Variants in EMC3 observed in about 807,000 individuals in gnomAD.
The protein encoded by EMC3 is ER membrane protein complex subunit 3.
In EMC3, 13 loss-of-function variants were observed where a neutral mutation model predicts 36.6. The ratio of observed to expected loss-of-function variants is 0.35; its 90% CI spans 0.23 to 0.56. The LOEUF (loss-of-function observed/expected upper bound fraction) is 0.56. Ranked by LOEUF, EMC3 falls within the 20% of genes least tolerant of loss-of-function variation. The pLI is 0.84. For missense variants in EMC3, 220 were observed against 324.5 expected (o/e 0.68, Z 2.47); for synonymous variants, 120 against 111.9 (o/e 1.07, Z -0.46).
chr3:9,970,688 G>C (rs113521790), intron 5 of EMC3, 27 bp from the exon 6 acceptor site: 1 of 1,611,624 alleles, frequency 6.2e-7, no homozygotes, highest in African/African-American at 1.3e-5. Context: ...AAAATGGTGT[G>C]GTTAGTTATT....
At chr3:9,992,985 C>G in intron 1 of EMC3, 3 of 1,572,898 alleles carry the variant, frequency 1.9e-6, no homozygotes, top group Non-Finnish European at 2.6e-6. Context: ...ACAGCTGCTC[C>G]AGAGTACATT....
intron 1 of EMC3, among the ~76,000 whole-genome samples, chr3:9,977,707 A>G (rs1441787632): frequency 6.6e-6 from 1 of 152,214 alleles, no homozygotes; most frequent in Non-Finnish European, 1.5e-5. Context: ...CATTTGGGAC[A>G]TTACACTCAG....
upstream of EMC3, among the ~76,000 whole-genome samples, chr3:9,990,325 CTTTTTTTTTTT>C (rs4020037): frequency 6.8e-5 from 6 of 88,708 alleles, no homozygotes; most frequent in African/African-American, 2.9e-4. Context: ...GGGCCTTTCT[CTTTTTTTTTTT>C]TTTTTTTTTT....
At chr3:9,979,473 T>C (rs1449813340) in intron 1 of EMC3, among the ~76,000 whole-genome samples, 5 of 152,256 alleles carry the variant, frequency 3.3e-5, no homozygotes, top group Non-Finnish European at 7.3e-5. Flanking sequence ...CTGCCACTTA[T>C]TAGCCATGTG....
chr3:9,992,785 T>G, intron 1 of EMC3: 1 of 824,268 alleles, frequency 1.2e-6, no homozygotes, highest in Non-Finnish European at 2.0e-6. Context: ...GCATCATCCA[T>G]TGTGTGTTTT....
intron 1 of EMC3, among the ~76,000 whole-genome samples, chr3:9,983,487 A>G (rs929734167): frequency 6.6e-6 from 1 of 152,082 alleles, no homozygotes; most frequent in African/African-American, 2.4e-5. Flanking sequence ...GGCTGGGTGC[A>G]ATGGCTCACA....
chr3:9,987,011 C>A, upstream of EMC3: 1 of 1,052,596 alleles, frequency 9.5e-7, no homozygotes, highest in East Asian at 7.6e-5. Context: ...GTCAGGGGAT[C>A]GAGACCATCC....
chr3:10,000,437 C>T (rs1342085612), intron 1 of EMC3, among the ~76,000 whole-genome samples: 1 of 152,158 alleles, frequency 6.6e-6, no homozygotes, highest in Admixed American at 6.5e-5. Flanking sequence ...ACAGTGATAC[C>T]ATGTTCTGAA....
chr3:9,998,133 G>A (rs1472647967), intron 1 of EMC3, among the ~76,000 whole-genome samples: 8 of 151,856 alleles, frequency 5.3e-5, no homozygotes, highest in South Asian at 2.1e-4. Context: ...TTGGGAGGCC[G>A]AGGCGGGCAG....
chr3:9,972,257 C>T (rs2085793214), intron 5 of EMC3, among the ~76,000 whole-genome samples: 1 of 151,950 alleles, frequency 6.6e-6, no homozygotes, highest in African/African-American at 2.4e-5. Flanking sequence ...ACTTCCACTC[C>T]CATAAGCTCA....
chr3:10,007,135 GA>G, intron 1 of EMC3: 1 of 364,298 alleles, frequency 2.7e-6, no homozygotes, highest in Non-Finnish European at 4.9e-6. Context: ...CAGTTACTCA[GA>G]AAAACTGCAA....
At position 9,966,715 on chromosome 3, in the gene EMC3, C is replaced by T. The variant is rs544420148; in HGVS notation, c.658-2518G>A. ...TCAGCCTCCTGAGTAGCTGGGATTA[C>T]AGGCAGGCACCACTATGCCCAGCTA... On this transcript the variant is annotated intron_variant, in intron 7 of 7. Transcript: ENST00000245046. Among the ~76,000 whole-genome samples, 425 of 152,180 alleles carry T rather than the reference C, an allele frequency of 2.8e-3. 6 individuals carry two copies. In the South Asian group the frequency reaches 0.029, roughly 10 times the overall value.
intron 1 of EMC3, chr3:10,000,631 G>T: frequency 2.1e-6 from 1 of 468,014 alleles, no homozygotes; most frequent in South Asian, 1.5e-5. Flanking sequence ...ATAAGGCAGT[G>T]GCCAATTATT....
At chr3:9,987,889 A>G, upstream of EMC3, 1 of 866,734 alleles carries the variant, frequency 1.2e-6, no homozygotes, top group Non-Finnish European at 1.9e-6. Flanking sequence ...ACCATAGCTA[A>G]TATTAACTTT....
intron 7 of EMC3, among the ~76,000 whole-genome samples, chr3:9,966,146 A>G (rs984364880): frequency 6.6e-6 from 1 of 152,036 alleles, no homozygotes; most frequent in Admixed American, 6.6e-5. Flanking sequence ...CAATTTCTCC[A>G]CATCCTTACC....
intron 5 of EMC3, among the ~76,000 whole-genome samples, chr3:9,973,038 C>G (rs2085804273): frequency 6.6e-6 from 1 of 151,428 alleles, no homozygotes; most frequent in African/African-American, 2.4e-5. Context: ...CAGTGTTAGC[C>G]AGGATGGTCT....
At position 9,994,227 on chromosome 3, in the gene EMC3, C is replaced by G. The variant is rs1575694888; in HGVS notation, c.-241-7325G>C. The G allele has an allele frequency of 2.7e-5, 43 of 1,575,060 alleles. No homozygotes were observed. The South Asian group carries it at 4.6e-4, about 17-fold the overall frequency. On this transcript the variant is annotated intron_variant, in intron 1 of 8. Coordinates refer to the EMC3 transcript ENST00000470827. ...GTGTTCATCCATTATGTCGCTGGCT[C>G]AGAGTTTGCTTCACTCTCTAGACTA...
At chr3:9,999,455 G>A (rs1436336374) in intron 1 of EMC3, among the ~76,000 whole-genome samples, 1 of 152,020 alleles carries the variant, frequency 6.6e-6, no homozygotes, top group Non-Finnish European at 1.5e-5. Context: ...TGGCCAGGAT[G>A]GTCTTGATCT....
intron 1 of EMC3, chr3:10,008,645 A>G: frequency 2.7e-6 from 1 of 377,122 alleles, no homozygotes; most frequent in Non-Finnish European, 5.3e-6. Context: ...TAGCATCCCC[A>G]GCGAAATCTG....
Sources: gnomAD v4.1 joint callset for allele counts (sites outside exome capture counted in the v4.1 genomes callset) on GRCh38, gnomAD v4.1.1 for gene constraint, MANE v1.5 for transcripts, NCBI Gene and HGNC (gene_info 2026-07-23, HGNC 2026-07-21) for gene names.